The following RAB13 variants were observed in gnomAD, a reference collection of about 807,000 sequenced individuals.
RAB13 encodes the protein RAB13, member RAS oncogene family.
In RAB13, 15 loss-of-function variants were observed where a neutral mutation model predicts 29.3. That is an observed-to-expected ratio of 0.51 (90% CI 0.34 to 0.79). The LOEUF is 0.79. Ranked by LOEUF, RAB13 falls within the 30% of genes least tolerant of loss-of-function variation. The pLI is 0.01. For synonymous variants in RAB13, 82 were observed against 93.8 expected (o/e 0.87, Z 0.73); for missense variants, 186 against 255.5 (o/e 0.73, Z 1.85).
chr1:153,982,704 C>T lies in RAB13; in HGVS notation c.414+15G>A, dbSNP rs529492772. 5 of 1,614,104 alleles carry T rather than the reference C, an allele frequency of 3.1e-6. No individual in the cohort carries two copies. Among genetic ancestry groups the T allele is most frequent in the Non-Finnish European group, 4.2e-6 (5 of 1,179,934 alleles). On this transcript the variant is annotated intron_variant, in intron 5 of 7. Coordinates refer to ENST00000368575, the MANE Select transcript of RAB13 (RefSeq NM_002870.5). ...CCCAGCCCAGTTCTAGAACATTGCT[C>T]AGCCTGGCCCTCACCTTATCGGCCT... is the stretch of plus-strand genomic sequence containing the variant.
At chr1:153,985,429 A>T (rs1649132616) in intron 1 of RAB13, 3 of 957,466 alleles carry the variant, frequency 3.1e-6, no homozygotes, top group Non-Finnish European at 3.7e-6. Flanking sequence ...TCTTAGTAGA[A>T]ACTTGGGCAC....
chr1:153,986,475 C>T, upstream of RAB13: 1 of 517,322 alleles, frequency 1.9e-6, no homozygotes, highest in East Asian at 3.3e-5. Context: ...GTTTTCCCTT[C>T]CTAGCTTAGG....
upstream of RAB13, chr1:153,990,607 C>A: frequency 1.5e-6 from 1 of 657,904 alleles, no homozygotes; most frequent in Non-Finnish European, 2.7e-6. Flanking sequence ...GCATATGTGT[C>A]ACAACTAACA....
At chr1:153,983,073 C>T (rs1193119190) in intron 4 of RAB13, 146 bp downstream of exon 4, 10 of 806,942 alleles carry the variant, frequency 1.2e-5, no homozygotes, top group Middle Eastern at 2.3e-4. Flanking sequence ...TGCAGTGAGC[C>T]GAGATCCTGC....
At chr1:153,989,404 C>A (rs545061604), upstream of RAB13, among the ~76,000 whole-genome samples, 1 of 151,044 alleles carries the variant, frequency 6.6e-6, no homozygotes, top group Admixed American at 6.6e-5. Flanking sequence ...CGCCCGCCAC[C>A]GCGCCCGGCT....
upstream of RAB13, among the ~76,000 whole-genome samples, chr1:153,989,825 G>A (rs1041511954): frequency 6.6e-6 from 1 of 151,612 alleles, no homozygotes; most frequent in Non-Finnish European, 1.5e-5. Context: ...GCGGGAGGCG[G>A]AGGTTGTGGT....
upstream of RAB13, among the ~76,000 whole-genome samples, chr1:153,990,347 T>C (rs1250225313): frequency 6.6e-6 from 1 of 152,222 alleles, no homozygotes; most frequent in East Asian, 1.9e-4. Flanking sequence ...ATTACAGGCA[T>C]GAGCCACTGC....
intron 1 of RAB13, chr1:153,985,434 G>A (rs575848729): frequency 1.1e-4 from 103 of 949,458 alleles, no homozygotes; most frequent in Non-Finnish European, 1.2e-4. Context: ...GTAGAAACTT[G>A]GGCACCTCCC....
rs1571130424 is a variant in RAB13, at chr1:153,986,242, A to C, written c.-6T>G. On this transcript the variant is annotated 5_prime_UTR_variant, in exon 1 of 8. Coordinates refer to ENST00000368575, the MANE Select transcript of RAB13 (RefSeq NM_002870.5). ...TGGTCGTAGGCTTTGGCCATGGCGG[A>C]CACCGGGGGAGCCGGGGGAGGGGTG... is the stretch of plus-strand genomic sequence containing the variant. 6.2e-7 allele frequency: 1 copy of C among 1,611,290 alleles called. No homozygotes were observed.
upstream of RAB13, among the ~76,000 whole-genome samples, chr1:153,989,137 G>T (rs1471352251): frequency 1.5e-5 from 2 of 130,360 alleles, no homozygotes; most frequent in Admixed American, 1.6e-4. Flanking sequence ...TCACCATGTT[G>T]GCCACGCTGG....
upstream of RAB13, among the ~76,000 whole-genome samples, chr1:153,987,263 T>C (rs1047326571): frequency 2.6e-5 from 4 of 152,004 alleles, no homozygotes; most frequent in South Asian, 8.3e-4. Flanking sequence ...TCCCAGCACT[T>C]TGGGAGGCCG....
Position 153,982,450 on chromosome 1 carries a change from G to A in RAB13, c.481-6C>T. ...CGGGCCAGGGAACTAAAAGCCTAAA[G>A]TGGGGAACAGAGTCAGTTTGGAGGG... On this transcript the variant is annotated splice_polypyrimidine_tract_variant and splice_region_variant and intron_variant, in intron 6 of 7. Transcript: ENST00000368575. The A allele has an allele frequency of 2.5e-6, 4 of 1,613,622 alleles. No homozygotes were observed. Among genetic ancestry groups the A allele is most frequent in the Non-Finnish European group, 2.5e-6 (3 of 1,179,542 alleles).
At chr1:153,986,368 C>G (rs1018067273), upstream of RAB13, 6 of 756,274 alleles carry the variant, frequency 7.9e-6, no homozygotes, top group African/African-American at 3.5e-5. Flanking sequence ...GCCCAGGCTC[C>G]GGGAAAGAGG....
At chr1:153,987,716 G>A (rs1054301096), upstream of RAB13, among the ~76,000 whole-genome samples, 8 of 140,446 alleles carry the variant, frequency 5.7e-5, no homozygotes, top group African/African-American at 1.8e-4. Context: ...AACGTGAGAG[G>A]ATCCCTTAAG....
intron 1 of RAB13, among the ~76,000 whole-genome samples, chr1:153,985,750 C>T (rs1421884064): frequency 1.3e-5 from 2 of 151,416 alleles, no homozygotes; most frequent in Non-Finnish European, 2.9e-5. Flanking sequence ...AAAGATGTGG[C>T]GGACAGGGAT....
At chr1:153,983,138 G>A in intron 4 of RAB13, 81 bp downstream of exon 4, 1 of 1,231,864 alleles carries the variant, frequency 8.1e-7, no homozygotes, top group Non-Finnish European at 1.2e-6. Flanking sequence ...AAAAAAAAAA[G>A]TTAGGTCTTG....
rs755479218 is a variant in RAB13, at chr1:153,983,327, T to C, written c.247-31A>G. The C allele has an allele frequency of 3.1e-6, 5 of 1,598,974 alleles. No homozygotes were observed. In the South Asian group the frequency reaches 3.3e-5, roughly 11 times the overall value. Reference sequence around the variant, plus strand: ...AGATGACAAAATTCACCTTGGACCATGTTCCCATTGAGGCTTCCCACTGCC... The same window carrying C: ...AGATGACAAAATTCACCTTGGACCACGTTCCCATTGAGGCTTCCCACTGCC... On this transcript the variant is annotated intron_variant, in intron 3 of 7. Transcript: ENST00000368575.
upstream of RAB13, among the ~76,000 whole-genome samples, chr1:153,990,223 G>C (rs915596950): frequency 6.6e-6 from 1 of 151,998 alleles, no homozygotes; most frequent in Non-Finnish European, 1.5e-5. Context: ...ACGCCACCAC[G>C]CCTGGCTAAT....
rs1234317462 is a variant in RAB13 at position 153,985,938 on chromosome 1, G to C, written c.124+175C>G. On this transcript the variant is annotated intron_variant, in intron 1 of 7. Transcript: ENST00000368575. The stretch of plus-strand genomic sequence containing the variant: ...ACCTGAAGGCCTCAGAGAGGTGAGA[G>C]GTTTGGTTACTATACAGAGACATGC... 18 of 1,141,824 alleles carry C rather than the reference G, an allele frequency of 1.6e-5. No individual in the cohort carries two copies. The Admixed American group carries it at 5.5e-4, about 35-fold the overall frequency. 70.7% of individuals were successfully genotyped at this position (1,141,824 alleles called of 1,614,324 possible).
Sources: allele counts gnomAD v4.1 joint callset (sites outside exome capture counted in the v4.1 genomes callset), GRCh38; gene constraint gnomAD v4.1.1; transcripts MANE v1.5; gene names NCBI Gene and HGNC (gene_info 2026-07-23, HGNC 2026-07-21).